NPSR1: variants seen among roughly 807,000 people sequenced by gnomAD.
The protein encoded by NPSR1 is neuropeptide S receptor.
Under a neutral mutation model 46.9 loss-of-function variants are expected in NPSR1, and 48 were observed. That is an observed-to-expected ratio of 1.02 (90% CI 0.81 to 1.30). NPSR1 has a LOEUF of 1.30. NPSR1 is among the 50% of genes most tolerant of loss of function. The pLI is 0.00. For synonymous variants in NPSR1, 176 were observed against 168.1 expected (o/e 1.05, Z -0.36); for missense variants, 450 against 449.5 (o/e 1.00, Z -0.01).
intron 1 of NPSR1, 111 bp downstream of exon 1, chr7:34,658,670 C>A: frequency 8.9e-7 from 1 of 1,120,792 alleles, no homozygotes; most frequent in Non-Finnish European, 1.3e-6. Flanking sequence ...GTGTTATTTT[C>A]TTTACTAAAA....
intron 8 of NPSR1, among the ~76,000 whole-genome samples, chr7:34,857,573 T>C (rs946298079): frequency 4.6e-5 from 7 of 151,728 alleles, no homozygotes; most frequent in African/African-American, 4.9e-5. Context: ...ACTGAAAACC[T>C]ACTGGATTAT....
At chr7:34,716,353 C>T (rs1783565498) in intron 2 of NPSR1, among the ~76,000 whole-genome samples, 1 of 152,114 alleles carries the variant, frequency 6.6e-6, no homozygotes, top group African/African-American at 2.4e-5. Flanking sequence ...AAAATTTGAA[C>T]ATTATTGGGC....
chr7:34,872,392 C>T (rs11761942), intron 8 of NPSR1, among the ~76,000 whole-genome samples: 10,531 of 152,020 alleles, frequency 0.069, 547 homozygotes, highest in Middle Eastern at 0.21. Context: ...GCCTTCAAGG[C>T]CTTTTTCCCA....
intron 2 of NPSR1, among the ~76,000 whole-genome samples, chr7:34,685,499 GA>G (rs34485914): frequency 0.18 from 26,854 of 150,694 alleles, 3,478 homozygotes; most frequent in African/African-American, 0.36. Context: ...TCAGACTATA[GA>G]AAAAAAAATG....
chr7:34,831,699 T>C (rs1403237161), intron 5 of NPSR1, among the ~76,000 whole-genome samples: 3 of 152,182 alleles, frequency 2.0e-5, no homozygotes, highest in Non-Finnish European at 4.4e-5. Flanking sequence ...AACTGTCTAA[T>C]TGTTGCTGGG....
intron 2 of NPSR1, among the ~76,000 whole-genome samples, chr7:34,702,439 A>G (rs765023): frequency 0.38 from 57,561 of 152,174 alleles, 11,515 homozygotes; most frequent in African/African-American, 0.49. Context: ...GAATTAAGGA[A>G]CAGTCTCTGG....
intron 2 of NPSR1, chr7:34,685,999 A>G (rs757555297): frequency 5.7e-6 from 1 of 174,596 alleles, no homozygotes; most frequent in South Asian, 1.3e-4. Flanking sequence ...AGGATGCCAC[A>G]GCTTATTTTC....
At chr7:34,823,520 A>G (rs1789675381) in intron 4 of NPSR1, among the ~76,000 whole-genome samples, 1 of 152,106 alleles carries the variant, frequency 6.6e-6, no homozygotes, top group Admixed American at 6.5e-5. Context: ...CCAACCACAT[A>G]ACAAGATTAA....
intron 2 of NPSR1, among the ~76,000 whole-genome samples, chr7:34,759,077 T>C (rs530196060): frequency 7.9e-5 from 12 of 152,334 alleles, no homozygotes; most frequent in African/African-American, 2.9e-4. Flanking sequence ...TAGTATATAG[T>C]ATCAGCAGAC....
intron 2 of NPSR1, among the ~76,000 whole-genome samples, chr7:34,735,410 G>A (rs324392): frequency 2.6e-5 from 4 of 151,052 alleles, no homozygotes; most frequent in Admixed American, 6.6e-5. Context: ...CATCTCTCTT[G>A]TTTATTATCC....
At chr7:34,811,224 T>C (rs891649458) in intron 3 of NPSR1, among the ~76,000 whole-genome samples, 4 of 152,160 alleles carry the variant, frequency 2.6e-5, no homozygotes, top group East Asian at 3.9e-4. Context: ...AGGAGTTTTA[T>C]TGAGTGGTGG....
At chr7:34,792,428 G>A (rs1193872940) in intron 3 of NPSR1, among the ~76,000 whole-genome samples, 2 of 147,614 alleles carry the variant, frequency 1.4e-5, no homozygotes, top group African/African-American at 5.0e-5. Context: ...GGGAGGTTGA[G>A]GCTGGTGAAT....
At chr7:34,776,045 C>T (rs1170135722) in intron 2 of NPSR1, among the ~76,000 whole-genome samples, 5 of 152,028 alleles carry the variant, frequency 3.3e-5, no homozygotes, top group Admixed American at 6.6e-5. Flanking sequence ...TTCCAAAATT[C>T]CTCTTGTTAT....
At chr7:34,853,029 C>T (rs1403872278), downstream of NPSR1, among the ~76,000 whole-genome samples, 1 of 152,142 alleles carries the variant, frequency 6.6e-6, no homozygotes, top group African/African-American at 2.4e-5. Flanking sequence ...CACCTTTTCC[C>T]CCAGAAAATG....
intron 2 of NPSR1, among the ~76,000 whole-genome samples, chr7:34,733,897 A>G (rs915835280): frequency 2.0e-5 from 3 of 152,196 alleles, no homozygotes; most frequent in African/African-American, 4.8e-5. Flanking sequence ...GTACTGCTAT[A>G]GAAAACTGGG....
chr7:34,662,798 A>G (rs181365536), intron 1 of NPSR1, among the ~76,000 whole-genome samples: 60 of 152,274 alleles, frequency 3.9e-4, no homozygotes, highest in African/African-American at 1.3e-3. Flanking sequence ...TTCACTTCAC[A>G]CAAATGAGAA....
At chr7:34,836,754 C>G (rs1442547678) in intron 6 of NPSR1, among the ~76,000 whole-genome samples, 1 of 137,466 alleles carries the variant, frequency 7.3e-6, no homozygotes. Flanking sequence ...AGAAGAGAGG[C>G]GGGGGGGAAG....
intron 2 of NPSR1, chr7:34,751,704 C>A: frequency 6.3e-7 from 1 of 1,587,194 alleles, no homozygotes; most frequent in Non-Finnish European, 8.7e-7. Context: ...AAGTGGGGAG[C>A]ATTGTGGGAG....
chr7:34,809,460 ATT>A (rs1157591101), intron 3 of NPSR1, among the ~76,000 whole-genome samples: 216 of 110,814 alleles, frequency 1.9e-3, no homozygotes, highest in African/African-American at 2.9e-3. Flanking sequence ...TCACCCAGGT[ATT>A]TTTTTTTTTT....
Sources: allele counts gnomAD v4.1 joint callset (sites outside exome capture counted in the v4.1 genomes callset), GRCh38; gene constraint gnomAD v4.1.1; transcripts MANE v1.5; gene names NCBI Gene and HGNC (gene_info 2026-07-23, HGNC 2026-07-21).